The following EPHA4 variants were observed in gnomAD, a reference collection of about 807,000 sequenced individuals.
EPHA4 encodes the protein ephrin type-A receptor 4.
A neutral mutation model predicts 108.3 loss-of-function variants in EPHA4; 19 were observed. The observed-to-expected ratio is 0.18, with a 90% CI of 0.12 to 0.26. The LOEUF is 0.26. EPHA4 is among the 10% of genes least tolerant of loss of function. EPHA4 has a pLI of 1.00. For synonymous variants in EPHA4, 449 were observed against 455.5 expected (o/e 0.99, Z 0.18); for missense variants, 917 against 1,254.0 (o/e 0.73, Z 4.06).
chr2:221,498,442 T>C (rs1214821636), intron 4 of EPHA4, among the ~76,000 whole-genome samples: 1 of 152,176 alleles, frequency 6.6e-6, no homozygotes, highest in African/African-American at 2.4e-5. Flanking sequence ...AGTTTATTAT[T>C]AAACTAATCA....
At position 221,419,029 on chromosome 2, in the gene EPHA4, CAA is replaced by C. The variant is rs914420872; in HGVS notation, c.*2341_*2342del. 101 of 152,738 alleles carry C rather than the reference CAA, an allele frequency of 6.6e-4. No individual in the cohort carries two copies. Among genetic ancestry groups the C allele is most frequent in the African/African-American group, 2.3e-3 (97 of 41,578 alleles). The allele number at this position is 152,738 out of a possible 1,614,324, so 9.5% of individuals were successfully genotyped here. On this transcript the variant is annotated 3_prime_UTR_variant, in exon 18 of 18. Transcript: ENST00000281821. Reference sequence around the variant, plus strand: ...TTGATGATTTTCTCTACTTATTCAACAATAAATGGTTCAGAATCTATTTTTTT... The same window carrying C: ...TTGATGATTTTCTCTACTTATTCAACTAAATGGTTCAGAATCTATTTTTTT...
At chr2:221,550,049 G>C (rs1694113244) in intron 3 of EPHA4, among the ~76,000 whole-genome samples, 2 of 152,162 alleles carry the variant, frequency 1.3e-5, no homozygotes, top group Non-Finnish European at 2.9e-5. Context: ...TTATGGATGA[G>C]AGCAATGTGT....
rs1177795275 is a variant in EPHA4, at chr2:221,471,755, A to C, written c.1318+10597T>G. Reference sequence around the variant, plus strand: ...TTGACTGTTCTGTATTGGAGTGTACAATGAAGGCTGTAAACACAGTGTATG... The same window carrying C: ...TTGACTGTTCTGTATTGGAGTGTACCATGAAGGCTGTAAACACAGTGTATG... On this transcript the variant is annotated intron_variant, in intron 5 of 17. Transcript: ENST00000281821. Among the ~76,000 whole-genome samples the C allele has an allele frequency of 2.6e-5, 4 of 152,176 alleles. No homozygotes were observed. In the East Asian group the frequency reaches 7.7e-4, roughly 29 times the overall value.
At chr2:221,528,031 C>T (rs901384791) in intron 3 of EPHA4, among the ~76,000 whole-genome samples, 3 of 151,800 alleles carry the variant, frequency 2.0e-5, no homozygotes, top group South Asian at 2.1e-4. Context: ...CCAACCCCGC[C>T]GTTTCCCCTC....
intron 3 of EPHA4, among the ~76,000 whole-genome samples, chr2:221,520,409 A>G (rs778527090): frequency 6.6e-6 from 1 of 152,196 alleles, no homozygotes; most frequent in Non-Finnish European, 1.5e-5. Flanking sequence ...GCACTTCTGT[A>G]TACAAACACA....
Position 221,455,556 on chromosome 2 carries a change from A to G in EPHA4, c.1706T>C (p.Ile569Thr). 1 of 1,613,740 alleles carries G rather than the reference A, an allele frequency of 6.2e-7. No individual in the cohort carries two copies. Among genetic ancestry groups the G allele is most frequent in the Non-Finnish European group, 8.5e-7 (1 of 1,179,742 alleles). ...LVVILIAAFV[I>T]SRRRSKYSKA... ...TGGCTTCAGTGCTTACCTCCGGCTG[A>G]TGACAAAAGCTGCAATGAGAATTAC... The change falls in exon 8 of 18, where the codon ATC becomes ACC. Residue 569 changes from isoleucine to threonine, a missense_variant. Physicochemically the swap from Ile to Thr is moderately conservative, Grantham distance 89 (BLOSUM62 -1). This residue lies in a region of EPHA4 where 758 missense variants were observed against 1,076.7 expected (regional missense o/e 0.70). Transcript: ENST00000281821.
At chr2:221,522,193 C>A (rs1029190193) in intron 3 of EPHA4, among the ~76,000 whole-genome samples, 1 of 152,030 alleles carries the variant, frequency 6.6e-6, no homozygotes, top group Non-Finnish European at 1.5e-5. Context: ...AATTTGAGGC[C>A]CAGTGTTACA....
chr2:221,446,757 C>A (rs532678544), intron 8 of EPHA4, among the ~76,000 whole-genome samples: 1 of 152,282 alleles, frequency 6.6e-6, no homozygotes, highest in South Asian at 2.1e-4. Context: ...TTGCTGCATA[C>A]AAATTCCCAA....
At chr2:221,508,669 G>A (rs1023283522) in intron 3 of EPHA4, among the ~76,000 whole-genome samples, 10 of 151,930 alleles carry the variant, frequency 6.6e-5, no homozygotes, top group African/African-American at 2.2e-4. Context: ...AAACCAGTAT[G>A]AATGTGCCCT....
chr2:221,437,300 G>T, intron 11 of EPHA4, 178 bp from the exon 12 acceptor site: 1 of 514,576 alleles, frequency 1.9e-6, no homozygotes, highest in East Asian at 3.0e-5. Flanking sequence ...TTAAAAGGAC[G>T]AGTAGGTTTA....
Position 221,425,905 on chromosome 2 carries a change from T to C in EPHA4, c.*123A>G. 8 of 833,964 alleles carry C rather than the reference T, an allele frequency of 9.6e-6. No homozygotes were observed. Among genetic ancestry groups the C allele is most frequent in the Non-Finnish European group, 1.4e-5 (7 of 513,334 alleles). The allele number at this position is 833,964 out of a possible 1,614,324, so 51.7% of individuals were successfully genotyped here. A position where few individuals can be genotyped will look rare whatever the true frequency, so the allele number is the denominator to read the frequency against. On this transcript the variant is annotated 3_prime_UTR_variant, in exon 17 of 18. Transcript: ENST00000281821. ...CACCAAGCAACGCTGCAGATATTGTTTTTTTTTTTCATTTCTTTAATTTCA... is the reference window on the plus strand; with the variant it reads ...CACCAAGCAACGCTGCAGATATTGTCTTTTTTTTTCATTTCTTTAATTTCA...
intron 4 of EPHA4, 47 bp downstream of exon 4, chr2:221,500,970 T>A: frequency 6.7e-7 from 1 of 1,495,646 alleles, no homozygotes; most frequent in Non-Finnish European, 8.9e-7. Context: ...TAGGTGGTAA[T>A]GAAAGCTGTT....
rs201040727 is a variant in EPHA4 at position 221,426,474 on chromosome 2, C to T, written c.2836G>A (p.Val946Met). 9.2e-5 allele frequency: 148 copies of T among 1,603,556 alleles called. 1 individual carries two copies. The highest frequency in any genetic ancestry group is 8.5e-4 in the Admixed American group (48 of 56,378). Residue 946 changes from valine to methionine, a missense_variant, in exon 16 of 18, where the codon GTG (valine) becomes ATG (methionine). Val to Met is a conservative substitution (Grantham distance 21). This residue lies in a region of EPHA4 where 133 missense variants were observed against 132.8 expected (regional missense o/e 1.00). Coordinates refer to ENST00000281821, the MANE Select transcript of EPHA4 (RefSeq NM_004438.5). ...GYTTLEAVVH[V>M]NQEDLARIGI... ...TCGTTGAGTACTTACTCCTGGTTCA[C>T]GTGCACCACAGCCTCTAGTGTGGTA...
chr2:221,540,069 G>A (rs1393606216), intron 3 of EPHA4, among the ~76,000 whole-genome samples: 1 of 152,028 alleles, frequency 6.6e-6, no homozygotes, highest in Non-Finnish European at 1.5e-5. Context: ...ACAGGTGTGT[G>A]CCACCATGCC....
chr2:221,455,368 GGTA>G (rs59838529), intron 8 of EPHA4, among the ~76,000 whole-genome samples, 176 bp downstream of exon 8: 5,665 of 152,174 alleles, frequency 0.037, 329 homozygotes, highest in African/African-American at 0.13. Flanking sequence ...CTGCCACCAG[GGTA>G]CAGCTAGCAG....
intron 8 of EPHA4, among the ~76,000 whole-genome samples, chr2:221,452,219 C>T (rs1487023071): frequency 6.6e-6 from 1 of 152,234 alleles, no homozygotes; most frequent in Non-Finnish European, 1.5e-5. Flanking sequence ...CTGTAGCATC[C>T]ATTCCAGCAT....
chr2:221,506,660 C>T, intron 3 of EPHA4, among the ~76,000 whole-genome samples: 1 of 152,190 alleles, frequency 6.6e-6, no homozygotes, highest in African/African-American at 2.4e-5. Context: ...TTGTCCAAAT[C>T]ACCTGCATTC....
intron 5 of EPHA4, among the ~76,000 whole-genome samples, chr2:221,468,435 T>C (rs1301009861): frequency 6.6e-6 from 1 of 152,182 alleles, no homozygotes; most frequent in Non-Finnish European, 1.5e-5. Context: ...ACCAGGGAGC[T>C]TCAAGCATTC....
chr2:221,573,281 G>A (rs1043739529), upstream of EPHA4: 3 of 152,214 alleles, frequency 2.0e-5, no homozygotes, highest in South Asian at 2.1e-4. The surrounding 1 kb of genome is among the most constrained non-coding windows in gnomAD (Gnocchi z 4.5). Flanking sequence ...TCTCCGCTCC[G>A]ACCTAGCCGG....
Sources: allele counts gnomAD v4.1 joint callset (sites outside exome capture counted in the v4.1 genomes callset), GRCh38; gene constraint gnomAD v4.1.1; regional missense constraint gnomAD v4.1.1; non-coding constraint Gnocchi (gnomAD v3.1); transcripts MANE v1.5; gene names NCBI Gene and HGNC (gene_info 2026-07-23, HGNC 2026-07-21).